FBXO21: variants seen among roughly 807,000 people sequenced by gnomAD.
The protein encoded by FBXO21 is F-box protein 21.
Under a neutral mutation model 76.6 loss-of-function variants are expected in FBXO21, and 32 were observed. That is an observed-to-expected ratio of 0.42 (90% CI 0.32 to 0.56). The LOEUF (loss-of-function observed/expected upper bound fraction) is 0.56. Among genes scored for constraint, FBXO21 ranks in the 20% least tolerant of loss-of-function variants. FBXO21 has a pLI of 0.16. For synonymous variants in FBXO21, 328 were observed against 311.5 expected (o/e 1.05, Z -0.56); for missense variants, 586 against 797.3 (o/e 0.73, Z 3.19).
intron 3 of FBXO21, 43 bp from the exon 4 acceptor site, chr12:117,177,684 C>T (rs1263771171): frequency 5.7e-6 from 9 of 1,585,908 alleles, no homozygotes; most frequent in Admixed American, 1.7e-5. Flanking sequence ...TGAAAACTTT[C>T]AGTTATCTAT....
intron 3 of FBXO21, 114 bp from the exon 4 acceptor site, chr12:117,177,755 T>C: frequency 1.3e-6 from 1 of 759,298 alleles, no homozygotes; most frequent in Non-Finnish European, 2.1e-6. Flanking sequence ...AATTGGTTCA[T>C]TCTCTTATAA....
At chr12:117,150,312 G>A (rs993450318) in intron 11 of FBXO21, among the ~76,000 whole-genome samples, 1 of 152,156 alleles carries the variant, frequency 6.6e-6, no homozygotes, top group Non-Finnish European at 1.5e-5. Flanking sequence ...TTATTTTAAC[G>A]TTCAGCTACC....
At chr12:117,152,780 G>T (rs976976601) in intron 11 of FBXO21, among the ~76,000 whole-genome samples, 1 of 152,160 alleles carries the variant, frequency 6.6e-6, no homozygotes, top group African/African-American at 2.4e-5. Context: ...GACATAATTA[G>T]GTCATGTCTG....
At chr12:117,170,339 C>A (rs1466490435) in intron 7 of FBXO21, among the ~76,000 whole-genome samples, 1 of 152,152 alleles carries the variant, frequency 6.6e-6, no homozygotes, top group Non-Finnish European at 1.5e-5. Flanking sequence ...AAAGTAATCC[C>A]TGGCTCCAAT....
rs541582587 is a variant in FBXO21 at position 117,143,933 on chromosome 12, G to T, written c.*2154C>A. The T allele has an allele frequency of 6.6e-6, 1 of 152,632 alleles. No individual in the cohort carries two copies. Among genetic ancestry groups the T allele is most frequent in the Non-Finnish European group, 1.5e-5 (1 of 68,034 alleles). 9.5% of individuals were successfully genotyped at this position (152,632 alleles called of 1,614,324 possible). A position where few individuals can be genotyped will look rare whatever the true frequency, so the allele number is the denominator to read the frequency against. On this transcript the variant is annotated 3_prime_UTR_variant, in exon 12 of 12. Coordinates refer to ENST00000622495, the MANE Select transcript of FBXO21 (RefSeq NM_015002.3). ...ACAGGGCTTTTTAAAATGGAGAAAAGTTTTGGAAAATTTTTAAAAAGAAAC... is the reference window on the plus strand; with the variant it reads ...ACAGGGCTTTTTAAAATGGAGAAAATTTTTGGAAAATTTTTAAAAAGAAAC...
At position 117,143,373 on chromosome 12, in the gene FBXO21, C is replaced by T. The variant is rs919173274; in HGVS notation, c.*2714G>A. Reference sequence around the variant, plus strand: ...TGTTTAACCTATAACCTTTTTTCCTCCCACATAGTAGGTAGTAACATCACA... The same window carrying T: ...TGTTTAACCTATAACCTTTTTTCCTTCCACATAGTAGGTAGTAACATCACA... On this transcript the variant is annotated 3_prime_UTR_variant, in exon 12 of 12. Transcript: ENST00000622495. The T allele has an allele frequency of 2.6e-5, 4 of 152,258 alleles. No individual in the cohort carries two copies. The East Asian group carries it at 5.8e-4, about 22-fold the overall frequency. 9.4% of individuals were successfully genotyped at this position (152,258 alleles called of 1,614,324 possible).
intron 11 of FBXO21, among the ~76,000 whole-genome samples, chr12:117,147,288 T>TG (rs1448782461): frequency 8.9e-4 from 40 of 45,092 alleles, no homozygotes; most frequent in African/African-American, 3.1e-3. Flanking sequence ...ACTGAAAAAA[T>TG]GGAAAAAAAA....
intron 2 of FBXO21, 122 bp downstream of exon 2, chr12:117,189,105 A>C (rs998218070): frequency 1.1e-4 from 124 of 1,082,082 alleles, no homozygotes; most frequent in Non-Finnish European, 2.5e-5. Flanking sequence ...CATCTAAGTG[A>C]GTAAGGGATT....
At chr12:117,172,724 TTAAG>T in intron 6 of FBXO21, 117 bp from the exon 7 acceptor site, 2 of 1,064,246 alleles carry the variant, frequency 1.9e-6, no homozygotes, top group Non-Finnish European at 2.7e-6. Flanking sequence ...TTTGTGAGGC[TTAAG>T]TGAGTATTTC....
intron 8 of FBXO21, 120 bp from the exon 9 acceptor site, chr12:117,165,737 T>C: frequency 1.0e-6 from 1 of 996,796 alleles, no homozygotes; most frequent in Non-Finnish European, 1.4e-6. Flanking sequence ...CTGATTCTGG[T>C]ATTTCTTCTC....
At chr12:117,177,670 G>A (rs369780853) in intron 3 of FBXO21, 29 bp from the exon 4 acceptor site, 4 of 1,604,334 alleles carry the variant, frequency 2.5e-6, no homozygotes, top group African/African-American at 1.3e-5. Context: ...TAAGAATTAA[G>A]ATTTGAAAAC....
In FBXO21 at chr12:117,166,941, C is replaced by A. The variant is rs1956059819; in HGVS notation, c.1150G>T (p.Val384Leu). Reference sequence around the variant, plus strand: ...AGGTTTCCCACCATTCTCTGTAACACCTTCTTGACATTGACCACCCCATAC... The same window carrying A: ...AGGTTTCCCACCATTCTCTGTAACAACTTCTTGACATTGACCACCCCATAC... Reference protein sequence around the residue: ...ALYGVVNVKKVLQRMVGNLLS... With the variant: ...ALYGVVNVKKLLQRMVGNLLS... The change falls in exon 8 of 12, where the codon GTG becomes TTG. Residue 384 changes from valine (V) to leucine (L), a missense_variant. Transcript: ENST00000622495. 1 of 1,614,090 alleles carries A rather than the reference C, an allele frequency of 6.2e-7. No individual in the cohort carries two copies. Among genetic ancestry groups the A allele is most frequent in the Non-Finnish European group, 8.5e-7 (1 of 1,180,046 alleles).
In FBXO21 at chr12:117,143,572, A is replaced by G. The variant is rs569079931; in HGVS notation, c.*2515T>C. 3 of 152,362 alleles carry G rather than the reference A, an allele frequency of 2.0e-5. No homozygotes were observed. The highest frequency in any genetic ancestry group is 2.9e-5 in the Non-Finnish European group (2 of 68,032). 9.4% of individuals were successfully genotyped at this position (152,362 alleles called of 1,614,324 possible). The stretch of plus-strand genomic sequence containing the variant: ...AGTGCAATCTTTGCATGACAACCAG[A>G]TAATTCTCAAAGGTTACTAGTGAGC... On this transcript the variant is annotated 3_prime_UTR_variant, in exon 12 of 12. Coordinates refer to ENST00000622495, the MANE Select transcript of FBXO21 (RefSeq NM_015002.3).
At chr12:117,158,806 G>A (rs947225601) in intron 9 of FBXO21, among the ~76,000 whole-genome samples, 2 of 152,222 alleles carry the variant, frequency 1.3e-5, no homozygotes, top group African/African-American at 4.8e-5. Context: ...AGCCCTGTCT[G>A]ACTCCACTAT....
intron 4 of FBXO21, among the ~76,000 whole-genome samples, chr12:117,176,089 A>G (rs906043697): frequency 6.6e-6 from 1 of 152,234 alleles, no homozygotes; most frequent in African/African-American, 2.4e-5. Context: ...CATACACTTG[A>G]TAAACATTTA....
intron 4 of FBXO21, among the ~76,000 whole-genome samples, chr12:117,176,605 G>A (rs59583452): frequency 0.2 from 30,294 of 151,910 alleles, 3,429 homozygotes; most frequent in East Asian, 0.43. Context: ...TGGAGGGAAG[G>A]GGGGGTAATG....
chr12:117,188,174 C>T (rs1426302364), intron 2 of FBXO21, among the ~76,000 whole-genome samples: 3 of 152,146 alleles, frequency 2.0e-5, no homozygotes, highest in Non-Finnish European at 2.9e-5. Context: ...AAATAAATAT[C>T]GAATAGTTTG....
At position 117,142,908 on chromosome 12, in the gene FBXO21, C is replaced by T. The variant is rs3741472; in HGVS notation, c.*3179G>A. ...AGATCGGAACACTTACAAATGAGAA[C>T]GGGACTTTAAGTAGATAGTATGCAA... On this transcript the variant is annotated 3_prime_UTR_variant, in exon 12 of 12. Coordinates refer to ENST00000622495, the MANE Select transcript of FBXO21 (RefSeq NM_015002.3). The T allele has an allele frequency of 0.36, 55,191 of 151,900 alleles. 11,656 individuals carry two copies. The highest frequency in any genetic ancestry group is 0.54 in the Admixed American group (8,297 of 15,238). The allele number at this position is 151,900 out of a possible 1,614,324, so 9.4% of individuals were successfully genotyped here. A position where few individuals can be genotyped will look rare whatever the true frequency, so the allele number is the denominator to read the frequency against.
intron 9 of FBXO21, among the ~76,000 whole-genome samples, chr12:117,162,547 C>T (rs1051751091): frequency 2.0e-5 from 3 of 152,188 alleles, no homozygotes; most frequent in Non-Finnish European, 4.4e-5. Flanking sequence ...AAAATCTCAC[C>T]ATCCCGCCCT....
Sources: gnomAD v4.1 joint callset for allele counts (sites outside exome capture counted in the v4.1 genomes callset) on GRCh38, gnomAD v4.1.1 for gene constraint, MANE v1.5 for transcripts, NCBI Gene and HGNC (gene_info 2026-07-23, HGNC 2026-07-21) for gene names.